The following RSPO2 variants were observed in gnomAD, a reference collection of about 807,000 sequenced individuals.
RSPO2 encodes the protein R-spondin-2.
RSPO2 carries 14 observed loss-of-function variants against 30.9 expected under a neutral mutation model. The observed-to-expected ratio is 0.45, with a 90% CI of 0.30 to 0.71. The LOEUF is 0.71. Among genes scored for constraint, RSPO2 ranks in the 30% least tolerant of loss-of-function variants. The pLI is 0.08. For synonymous variants in RSPO2, 107 were observed against 96.4 expected (o/e 1.11, Z -0.64); for missense variants, 264 against 301.9 (o/e 0.87, Z 0.93).
rs753675643 is a variant in RSPO2, at chr8:107,901,208, AAAG to A, written c.617-21_617-19del. The A allele has an allele frequency of 1.1e-5, 18 of 1,601,488 alleles. 1 individual carries two copies. Among genetic ancestry groups the A allele is most frequent in the Middle Eastern group, 3.3e-4 (2 of 6,010 alleles). ...TCTCTTCCCTGCAATGAAGGAAAGA[AAAG>A]AAGAGATGTCAGAAATGGCTCTTTC... On this transcript the variant is annotated intron_variant, in intron 5 of 5. Transcript: ENST00000276659.
At position 107,911,273 on chromosome 8, in the gene RSPO2, T is replaced by G. The variant is rs142039193; in HGVS notation, c.617-10083A>C. Among the ~76,000 whole-genome samples, 739 of 152,290 alleles carry G rather than the reference T, an allele frequency of 4.9e-3. 6 individuals carry two copies. Among genetic ancestry groups the G allele is most frequent in the Non-Finnish European group, 4.1e-3 (282 of 68,028 alleles). ...TCTCTAGAGAGGAATTCAACATGCC[T>G]CAGTCGCCACAGAGCCATGGATGCC... On this transcript the variant is annotated intron_variant, in intron 5 of 5. Transcript: ENST00000276659.
chr8:108,041,685 A>G (rs1178639285), intron 2 of RSPO2, among the ~76,000 whole-genome samples: 1 of 152,168 alleles, frequency 6.6e-6, no homozygotes, highest in Non-Finnish European at 1.5e-5. Context: ...GTGATAAAAG[A>G]CACCATAGAA....
Position 107,983,030 on chromosome 8 carries a change from C to T in RSPO2, c.283+6026G>A, listed in dbSNP as rs147517747. On this transcript the variant is annotated intron_variant, in intron 3 of 5. Coordinates refer to ENST00000276659, the MANE Select transcript of RSPO2 (RefSeq NM_178565.5). The stretch of plus-strand genomic sequence containing the variant: ...GTGCAGAGAGGGGCCACAGTCTCTG[C>T]GGCTGTGTCACGCTCCCCTGCAGTC... 2.8e-4 allele frequency: 260 copies of T among 941,770 alleles called. 1 individual carries two copies. The African/African-American group carries it at 3.7e-3, about 13-fold the overall frequency. The allele number at this position is 941,770 out of a possible 1,614,324, so 58.3% of individuals were successfully genotyped here. A position where few individuals can be genotyped will look rare whatever the true frequency, so the allele number is the denominator to read the frequency against.
intron 3 of RSPO2, among the ~76,000 whole-genome samples, chr8:107,962,926 G>A (rs1207667138): frequency 6.6e-6 from 1 of 152,146 alleles, no homozygotes; most frequent in South Asian, 2.1e-4. Context: ...ATAGCAATAA[G>A]CATTTGGAAT....
intron 2 of RSPO2, chr8:107,996,810 C>G (rs1030081005): frequency 1.6e-5 from 6 of 377,556 alleles, no homozygotes; most frequent in African/African-American, 1.3e-4. Context: ...AGTCAACAAA[C>G]TGTGCCCTGC....
At chr8:107,930,942 T>C (rs546597165) in intron 5 of RSPO2, among the ~76,000 whole-genome samples, 10 of 152,294 alleles carry the variant, frequency 6.6e-5, no homozygotes, top group African/African-American at 2.2e-4. Flanking sequence ...TATAATCCAA[T>C]TTGCTTCTCA....
intron 5 of RSPO2, among the ~76,000 whole-genome samples, chr8:107,931,130 G>T (rs1053559109): frequency 6.6e-6 from 1 of 152,074 alleles, no homozygotes; most frequent in Admixed American, 6.6e-5. Context: ...TAAAATTTAA[G>T]GTTTAAACTG....
intron 3 of RSPO2, among the ~76,000 whole-genome samples, chr8:107,966,464 G>A (rs1025994495): frequency 2.6e-5 from 4 of 152,176 alleles, no homozygotes; most frequent in Admixed American, 2.6e-4. Context: ...GCTGGAGAGT[G>A]AACGTTTTCA....
intron 2 of RSPO2, among the ~76,000 whole-genome samples, chr8:108,067,588 G>T (rs1563588987): frequency 6.6e-6 from 1 of 152,142 alleles, no homozygotes; most frequent in South Asian, 2.1e-4. Flanking sequence ...TTAAAAGAAT[G>T]TTCTTACTAG....
chr8:108,039,782 A>C (rs1338121181), intron 2 of RSPO2, among the ~76,000 whole-genome samples: 1 of 152,130 alleles, frequency 6.6e-6, no homozygotes, highest in Non-Finnish European at 1.5e-5. Context: ...GTGTCCCCTA[A>C]GTTCACATTC....
intron 2 of RSPO2, among the ~76,000 whole-genome samples, chr8:108,013,638 G>A (rs890287014): frequency 1.3e-5 from 2 of 152,162 alleles, no homozygotes; most frequent in African/African-American, 4.8e-5. Context: ...TGGGAAAACT[G>A]GGTAGCCATA....
At chr8:107,960,310 G>T in intron 4 of RSPO2, among the ~76,000 whole-genome samples, 1 of 151,578 alleles carries the variant, frequency 6.6e-6, no homozygotes. Flanking sequence ...CACATAGCAG[G>T]AGCAATAGAG....
At chr8:107,943,519 C>T (rs1045012056) in intron 5 of RSPO2, among the ~76,000 whole-genome samples, 9 of 152,176 alleles carry the variant, frequency 5.9e-5, no homozygotes, top group Admixed American at 1.3e-4. Context: ...GACATGCTCA[C>T]GTGCCATCGC....
chr8:107,995,961 A>C (rs1462889549), intron 2 of RSPO2, among the ~76,000 whole-genome samples: 8 of 152,156 alleles, frequency 5.3e-5, no homozygotes, highest in Non-Finnish European at 1.2e-4. Context: ...ATAGCTGACC[A>C]AAAATAAGCT....
chr8:108,016,337 A>T (rs1240120687), intron 2 of RSPO2, among the ~76,000 whole-genome samples: 1 of 152,222 alleles, frequency 6.6e-6, no homozygotes, highest in East Asian at 1.9e-4. Flanking sequence ...GGAATTCCCC[A>T]AGATTATGCT....
rs565394866 is a variant in RSPO2, at chr8:107,905,404, A to G, written c.617-4214T>C. On this transcript the variant is annotated intron_variant, in intron 5 of 5. Coordinates refer to ENST00000276659, the MANE Select transcript of RSPO2 (RefSeq NM_178565.5). ...GTAATACATGGACATACCTACATAC[A>G]TATATAAACACACAAGCTGTGGAAA... Among the ~76,000 whole-genome samples the G allele has an allele frequency of 2.6e-5, 4 of 152,206 alleles. No homozygotes were observed. In the East Asian group the frequency reaches 5.8e-4, roughly 22 times the overall value.
At position 107,958,324 on chromosome 8, in the gene RSPO2, A is replaced by G. The variant is rs911309911; in HGVS notation, c.428-56T>C. On this transcript the variant is annotated intron_variant, in intron 4 of 5. Coordinates refer to ENST00000276659, the MANE Select transcript of RSPO2 (RefSeq NM_178565.5). ...AACACAAGCACATAAGTTAGTATCC[A>G]TTTGCTTCACTGTCATCAAATTTAC... 9.2e-6 allele frequency: 13 copies of G among 1,417,652 alleles called. No individual in the cohort carries two copies. The South Asian group carries it at 1.6e-4, about 17-fold the overall frequency. 87.8% of individuals were successfully genotyped at this position (1,417,652 alleles called of 1,614,324 possible).
At chr8:107,988,745 A>G (rs1367458984) in intron 3 of RSPO2, among the ~76,000 whole-genome samples, 3 of 152,048 alleles carry the variant, frequency 2.0e-5, no homozygotes, top group Admixed American at 6.6e-5. Flanking sequence ...CTGGTGCCTC[A>G]GCTATCCCAG....
intron 2 of RSPO2, among the ~76,000 whole-genome samples, chr8:108,065,984 G>A (rs1379995745): frequency 6.6e-6 from 1 of 152,180 alleles, no homozygotes; most frequent in Admixed American, 6.5e-5. Context: ...GTTACAGTGA[G>A]CAGAGATCGT....
Sources: gnomAD v4.1 joint callset for allele counts (sites outside exome capture counted in the v4.1 genomes callset) on GRCh38, gnomAD v4.1.1 for gene constraint, MANE v1.5 for transcripts, NCBI Gene and HGNC (gene_info 2026-07-23, HGNC 2026-07-21) for gene names.